The following WWC1 variants were observed in gnomAD, a reference collection of about 807,000 sequenced individuals.
WWC1 encodes WW and C2 domain containing 1, also known as protein KIBRA.
A neutral mutation model predicts 138.4 loss-of-function variants in WWC1; 55 were observed. The observed-to-expected ratio is 0.40, with a 90% confidence interval of 0.32 to 0.50. The LOEUF (loss-of-function observed/expected upper bound fraction) is 0.50, where lower values mean the gene tolerates loss of function less well. Among genes scored for constraint, WWC1 ranks in the 20% least tolerant of loss-of-function variants. The pLI is 0.72. For missense variants in WWC1, 1,226 were observed against 1,420.4 expected (o/e 0.86, Z 2.20); for synonymous variants, 524 against 564.9 (o/e 0.93, Z 1.03).
intron 1 of WWC1, among the ~76,000 whole-genome samples, chr5:168,355,606 G>A (rs569233771): frequency 2.6e-5 from 4 of 152,176 alleles, no homozygotes; most frequent in Non-Finnish European, 5.9e-5. Flanking sequence ...CGAGACCTGC[G>A]GGAGCAAAAG....
intron 7 of WWC1, among the ~76,000 whole-genome samples, chr5:168,409,715 G>A (rs1192406467): frequency 6.6e-6 from 1 of 152,218 alleles, no homozygotes; most frequent in Non-Finnish European, 1.5e-5. Context: ...ATCGATGTCT[G>A]AGCGTACGGT....
In WWC1 at chr5:168,366,247, C is replaced by G. The variant is rs149842783; in HGVS notation, c.120-5177C>G. ...TGCAGCCAAAAACACATCTCTTCAT[C>G]CTGAATGACACATCTCTACACACTG... On this transcript the variant is annotated intron_variant, in intron 1 of 22. Transcript: ENST00000265293. Among the ~76,000 whole-genome samples the G allele has an allele frequency of 6.6e-5, 10 of 152,314 alleles. No individual in the cohort carries two copies. In the South Asian group the frequency reaches 1.5e-3, roughly 22 times the overall value.
chr5:168,329,012 G>C (rs1356721435), intron 1 of WWC1, among the ~76,000 whole-genome samples: 4 of 152,208 alleles, frequency 2.6e-5, no homozygotes, highest in Admixed American at 2.0e-4. Context: ...GAAAGAATCA[G>C]CTTTTTCTGG....
chr5:168,433,601 G>C (rs997705534), intron 15 of WWC1, among the ~76,000 whole-genome samples: 1 of 151,378 alleles, frequency 6.6e-6, no homozygotes, highest in Non-Finnish European at 1.5e-5. Flanking sequence ...GCAGTGGCGT[G>C]ATCTTGGCTC....
At position 168,469,282 on chromosome 5, in the gene WWC1, G is replaced by A; in HGVS notation, c.*265G>A. 4.6e-6 allele frequency: 2 copies of A among 438,888 alleles called. No individual in the cohort carries two copies. Among genetic ancestry groups the A allele is most frequent in the African/African-American group, 2.0e-5 (1 of 50,968 alleles). 27.2% of individuals were successfully genotyped at this position (438,888 alleles called of 1,614,324 possible). The stretch of plus-strand genomic sequence containing the variant: ...GATTGTATAGTTTGTATATTTAGGA[G>A]TGTATTTTTGGGAAAGAAAATTTAA... On this transcript the variant is annotated 3_prime_UTR_variant, in exon 23 of 23. Transcript: ENST00000265293.
At chr5:168,307,552 C>G (rs1770683279) in intron 1 of WWC1, among the ~76,000 whole-genome samples, 1 of 151,430 alleles carries the variant, frequency 6.6e-6, no homozygotes, top group African/African-American at 2.4e-5. Flanking sequence ...ATTTCCTTGA[C>G]CAAATGCCCT....
chr5:168,422,621 G>GA (rs1258541239), intron 10 of WWC1, among the ~76,000 whole-genome samples: 16 of 149,398 alleles, frequency 1.1e-4, no homozygotes, highest in Admixed American at 8.6e-4. Flanking sequence ...TCTCCAAAAA[G>GA]AAAAAAAAAG....
chr5:168,418,035 A>G (rs957098083), intron 9 of WWC1, among the ~76,000 whole-genome samples: 4 of 151,854 alleles, frequency 2.6e-5, no homozygotes, highest in African/African-American at 9.7e-5. Context: ...CTTTATTTTT[A>G]GTGTCTCTGT....
In WWC1 at chr5:168,472,278, A is replaced by G. The variant is rs1255712745; in HGVS notation, c.*3261A>G. The G allele has an allele frequency of 1.3e-5, 2 of 152,244 alleles. No individual in the cohort carries two copies. The highest frequency in any genetic ancestry group is 2.9e-5 in the Non-Finnish European group (2 of 68,046). 9.4% of individuals were successfully genotyped at this position (152,244 alleles called of 1,614,324 possible). Reference sequence around the variant, plus strand: ...CCATTGTTTGCCTAGAGAGAAATTTAAAAATAAATAAATGTTCACTTATAA... The same window carrying G: ...CCATTGTTTGCCTAGAGAGAAATTTGAAAATAAATAAATGTTCACTTATAA... On this transcript the variant is annotated 3_prime_UTR_variant, in exon 23 of 23. Coordinates refer to ENST00000265293, the MANE Select transcript of WWC1 (RefSeq NM_015238.3).
chr5:168,366,147 A>G (rs560977034), intron 1 of WWC1, among the ~76,000 whole-genome samples: 5 of 152,336 alleles, frequency 3.3e-5, no homozygotes, highest in South Asian at 2.1e-4. Context: ...TAAATGGACA[A>G]TTCCTCTCCT....
chr5:168,435,533 CT>C (rs1189138649), intron 15 of WWC1, among the ~76,000 whole-genome samples: 7 of 152,296 alleles, frequency 4.6e-5, no homozygotes, highest in African/African-American at 1.7e-4. Flanking sequence ...ACTTCAGCCT[CT>C]CCCATAGCTG....
In WWC1 at chr5:168,355,268, C is replaced by T. The variant is rs186019363; in HGVS notation, c.120-16156C>T. 3.1e-3 allele frequency among the ~76,000 whole-genome samples: 458 copies of T among 147,974 alleles called. 1 individual carries two copies. The highest frequency in any genetic ancestry group is 6.9e-3 in the Middle Eastern group (2 of 288). On this transcript the variant is annotated intron_variant, in intron 1 of 22. Transcript: ENST00000265293. The stretch of plus-strand genomic sequence containing the variant: ...CAGCACTTTGGGAGGCTGAGGTGGG[C>T]GGATCACCTGAGGTCAGGAGTTTGA...
At chr5:168,410,157 A>T in intron 8 of WWC1, 162 bp downstream of exon 8, 12 of 737,602 alleles carry the variant, frequency 1.6e-5, no homozygotes, top group Non-Finnish European at 2.6e-5. Flanking sequence ...CCTCTCTGAA[A>T]TTCAGAGAGG....
chr5:168,360,545 G>A (rs1775807467), intron 1 of WWC1, among the ~76,000 whole-genome samples: 1 of 152,312 alleles, frequency 6.6e-6, no homozygotes, highest in South Asian at 2.1e-4. Context: ...GGACAGGTTG[G>A]CCAGGTATTA....
chr5:168,378,395 G>C (rs1000570566), intron 2 of WWC1, among the ~76,000 whole-genome samples: 2 of 152,074 alleles, frequency 1.3e-5, no homozygotes, highest in Admixed American at 1.3e-4. Flanking sequence ...AACATGCACA[G>C]GTACCCCCTG....
chr5:168,422,171 G>A, intron 10 of WWC1, 74 bp downstream of exon 10: 2 of 1,436,474 alleles, frequency 1.4e-6, no homozygotes, highest in Non-Finnish European at 2.0e-6. Context: ...TCCCAGCCCA[G>A]GCTCTACCCT....
At chr5:168,363,851 T>C (rs1045974768) in intron 1 of WWC1, among the ~76,000 whole-genome samples, 3 of 152,126 alleles carry the variant, frequency 2.0e-5, no homozygotes, top group African/African-American at 4.8e-5. Flanking sequence ...AGTGCCTGCA[T>C]TGGGACCCAG....
intron 11 of WWC1, 146 bp downstream of exon 11, chr5:168,424,214 T>C: frequency 9.3e-7 from 1 of 1,074,078 alleles, no homozygotes; most frequent in Non-Finnish European, 1.3e-6. Context: ...ATTTATTCAG[T>C]GGATGTTTAT....
chr5:168,450,972 C>T (rs1755753309), intron 17 of WWC1, among the ~76,000 whole-genome samples: 1 of 152,098 alleles, frequency 6.6e-6, no homozygotes, highest in African/African-American at 2.4e-5. Context: ...ACTAAGATTT[C>T]TTACAACTCA....
Sources: gnomAD v4.1 joint callset for allele counts (sites outside exome capture counted in the v4.1 genomes callset) on GRCh38, gnomAD v4.1.1 for gene constraint, MANE v1.5 for transcripts, NCBI Gene and HGNC (gene_info 2026-07-23, HGNC 2026-07-21) for gene names.